Variants in RPA1 observed in about 807,000 individuals in gnomAD.
RPA1 encodes replication protein A1.
Under a neutral mutation model 83.0 loss-of-function variants are expected in RPA1, and 49 were observed. That is an observed-to-expected ratio of 0.59 (90% CI 0.47 to 0.75). The LOEUF (loss-of-function observed/expected upper bound fraction) is 0.75, where lower values mean the gene tolerates loss of function less well. Among genes scored for constraint, RPA1 ranks in the 30% least tolerant of loss-of-function variants. The pLI is 0.00. For missense variants in RPA1, 693 were observed against 776.1 expected, an observed-to-expected ratio of 0.89 and a Z score of 1.27; for synonymous variants, 279 against 281.8, an observed-to-expected ratio of 0.99 and a Z score of 0.10.
intron 12 of RPA1, among the ~76,000 whole-genome samples, chr17:1,882,789 G>A (rs1398815598): frequency 6.6e-6 from 1 of 152,176 alleles, no homozygotes; most frequent in African/African-American, 2.4e-5. Context: ...TGATCACCAC[G>A]CAGCTGCTGC....
At position 1,898,209 on chromosome 17, in the gene RPA1, T is replaced by C. The variant is rs546072287; in HGVS notation, c.*1034T>C. 7 of 152,364 alleles carry C rather than the reference T, an allele frequency of 4.6e-5. No homozygotes were observed. The highest frequency in any genetic ancestry group is 2.1e-4 in the South Asian group (1 of 4,826). The allele number at this position is 152,364 out of a possible 1,614,324, so 9.4% of individuals were successfully genotyped here. The stretch of plus-strand genomic sequence containing the variant: ...TCCAAGGCATGGAGATCCTTCTTCC[T>C]AGTGTTTGCAGCCCTGAAATGCATC... On this transcript the variant is annotated 3_prime_UTR_variant, in exon 17 of 17. Transcript: ENST00000254719.
At position 1,880,562 on chromosome 17, in the gene RPA1, C is replaced by T. The variant is rs1367622156; in HGVS notation, c.1112C>T (p.Ser371Phe). ...WGEDADKFDG[S>F]RQPVLAIKGA... ...TTACAGGCTGATAAATTTGATGGTT[C>T]TAGACAGCCCGTGTTGGCTATCAAA... Residue 371 changes from serine (S) to phenylalanine (F), a missense_variant, in exon 12 of 17, where the codon TCT becomes TTT. Coordinates refer to ENST00000254719, the MANE Select transcript of RPA1 (RefSeq NM_002945.5). 2 of 1,614,048 alleles carry T rather than the reference C, an allele frequency of 1.2e-6. No individual in the cohort carries two copies. The highest frequency in any genetic ancestry group is 1.7e-6 in the Non-Finnish European group (2 of 1,180,008).
intron 1 of RPA1, among the ~76,000 whole-genome samples, chr17:1,836,230 G>A (rs1210104950): frequency 1.3e-5 from 2 of 151,150 alleles, no homozygotes; most frequent in African/African-American, 4.9e-5. Context: ...TCATGCCTCA[G>A]TCTCCTTAGT....
Position 1,884,216 on chromosome 17 carries a change from G to A in RPA1, c.1374+272G>A, listed in dbSNP as rs1303467532. ...GAGGGATCTTGGAGCAGGGGTGACA[G>A]TCAAGCTTTGTGGTATAATATCACC... On this transcript the variant is annotated intron_variant, in intron 13 of 16. Coordinates refer to ENST00000254719, the MANE Select transcript of RPA1 (RefSeq NM_002945.5). The surrounding 1 kb of genome is among the most constrained non-coding windows in gnomAD (Gnocchi z 4.1). 6.6e-6 allele frequency among the ~76,000 whole-genome samples: 1 copy of A among 152,186 alleles called. No individual in the cohort carries two copies. Among genetic ancestry groups the A allele is most frequent in the East Asian group, 1.9e-4 (1 of 5,196 alleles).
At chr17:1,851,197 C>A (rs756136057) in intron 4 of RPA1, among the ~76,000 whole-genome samples, 5 of 152,156 alleles carry the variant, frequency 3.3e-5, no homozygotes, top group Non-Finnish European at 5.9e-5. Context: ...AAGACACTAT[C>A]CCATTTCACA....
At chr17:1,857,534 C>A (rs1356132152) in intron 5 of RPA1, among the ~76,000 whole-genome samples, 4 of 151,742 alleles carry the variant, frequency 2.6e-5, no homozygotes, top group African/African-American at 4.8e-5. Flanking sequence ...CCACCCCCAC[C>A]TCTCTTCTTT....
chr17:1,849,392 A>T (rs866685189), intron 4 of RPA1, among the ~76,000 whole-genome samples: 20 of 142,628 alleles, frequency 1.4e-4, no homozygotes, highest in African/African-American at 5.4e-4. Flanking sequence ...TCCCGGGTTC[A>T]CGCCATTCTC....
chr17:1,852,363 G>A (rs1319661731), intron 4 of RPA1, among the ~76,000 whole-genome samples: 1 of 152,250 alleles, frequency 6.6e-6, no homozygotes, highest in Non-Finnish European at 1.5e-5. Flanking sequence ...CTCAACTAGA[G>A]ATTAAGGAAG....
intron 4 of RPA1, among the ~76,000 whole-genome samples, chr17:1,850,228 C>T (rs1336017816): frequency 2.0e-5 from 3 of 151,084 alleles, no homozygotes; most frequent in African/African-American, 4.9e-5. Flanking sequence ...GCGATAAATC[C>T]TGCCTTAAAA....
At chr17:1,849,419 A>G (rs968093110) in intron 4 of RPA1, among the ~76,000 whole-genome samples, 10 of 146,596 alleles carry the variant, frequency 6.8e-5, no homozygotes, top group Admixed American at 1.4e-4. Context: ...CAGCCTCCCC[A>G]GTAGCTGGGA....
chr17:1,843,035 C>G (rs1332170934), intron 2 of RPA1, among the ~76,000 whole-genome samples, 182 bp downstream of exon 2: 1 of 152,070 alleles, frequency 6.6e-6, no homozygotes, highest in Non-Finnish European at 1.5e-5. Flanking sequence ...AATGTTACTA[C>G]GTGAGCTGCT....
At chr17:1,877,388 C>T in intron 8 of RPA1, 74 bp downstream of exon 8, 3 of 1,315,692 alleles carry the variant, frequency 2.3e-6, no homozygotes, top group Non-Finnish European at 3.2e-6. Flanking sequence ...CTGCGGAGGG[C>T]AGTGGGCTCG....
chr17:1,875,568 G>T, intron 6 of RPA1, 93 bp from the exon 7 acceptor site: 1 of 1,363,450 alleles, frequency 7.3e-7, no homozygotes, highest in Non-Finnish European at 9.9e-7. Context: ...TTCACTAGTG[G>T]CACCTCCAAA....
At position 1,868,339 on chromosome 17, in the gene RPA1, G is replaced by T. The variant is rs746102775; in HGVS notation, c.362-4095G>T. ...GCTTTCTCCTCTGTTGGGAAAGGACGCACACTCTGTGCTAGCGGGTGGAGA... is the reference window on the plus strand; with the variant it reads ...GCTTTCTCCTCTGTTGGGAAAGGACTCACACTCTGTGCTAGCGGGTGGAGA... On this transcript the variant is annotated intron_variant, in intron 5 of 16. Coordinates refer to ENST00000254719, the MANE Select transcript of RPA1 (RefSeq NM_002945.5). 5.3e-5 allele frequency among the ~76,000 whole-genome samples: 8 copies of T among 152,310 alleles called. No individual in the cohort carries two copies. The East Asian group carries it at 1.5e-3, about 29-fold the overall frequency.
intron 1 of RPA1, among the ~76,000 whole-genome samples, chr17:1,841,016 G>A (rs759778581): frequency 3.3e-5 from 5 of 152,276 alleles, no homozygotes; most frequent in Admixed American, 6.5e-5. Flanking sequence ...GCAGTGAGCT[G>A]AGATTGCACC....
At chr17:1,876,265 T>G (rs1050010312) in intron 7 of RPA1, among the ~76,000 whole-genome samples, 6 of 152,314 alleles carry the variant, frequency 3.9e-5, no homozygotes, top group African/African-American at 1.4e-4. Context: ...CACCAAAAAT[T>G]AATTTGAAGC....
At position 1,891,855 on chromosome 17, in the gene RPA1, A is replaced by G; in HGVS notation, c.1574A>G (p.Glu525Gly). ...ILSVNIADFQ[E>G]NQWVTCFQES... ...TAGGTAAATATTGCAGATTTTCAAG[A>G]GAATCAGTGGGTGACTTGTTTCCAG... The change falls in exon 15 of 17, where the codon GAG becomes GGG. Residue 525 changes from glutamate (E) to glycine (G), a missense_variant. By Grantham distance (98) the Glu-to-Gly change is moderately conservative. Coordinates refer to ENST00000254719, the MANE Select transcript of RPA1 (RefSeq NM_002945.5). The G allele has an allele frequency of 6.2e-7, 1 of 1,600,796 alleles. No individual in the cohort carries two copies. The highest frequency in any genetic ancestry group is 8.5e-7 in the Non-Finnish European group (1 of 1,170,044).
chr17:1,892,033 G>A, intron 15 of RPA1, 93 bp downstream of exon 15: 1 of 730,102 alleles, frequency 1.4e-6, no homozygotes, highest in Non-Finnish European at 2.1e-6. Flanking sequence ...TTGAGATGGA[G>A]TCTTGCCCTG....
intron 4 of RPA1, among the ~76,000 whole-genome samples, chr17:1,852,023 C>A (rs17338628): frequency 0.029 from 4,494 of 152,340 alleles, 100 homozygotes; most frequent in Non-Finnish European, 0.044. Flanking sequence ...AGGCCTGTTT[C>A]TTCAGCTCCC....
Sources: gnomAD v4.1 joint callset for allele counts (sites outside exome capture counted in the v4.1 genomes callset) on GRCh38, gnomAD v4.1.1 for gene constraint, Gnocchi (gnomAD v3.1) non-coding constraint, MANE v1.5 for transcripts, NCBI Gene and HGNC (gene_info 2026-07-23, HGNC 2026-07-21) for gene names.